The following GBE1 variants were observed in gnomAD, a reference collection of about 807,000 sequenced individuals.
The protein encoded by GBE1 is 1,4-alpha-glucan branching enzyme 1, also known as 1,4-alpha-glucan-branching enzyme.
GBE1 carries 70 observed loss-of-function variants against 88.8 expected under a neutral mutation model. That is an observed-to-expected ratio of 0.79 (90% CI 0.65 to 0.96). GBE1 has a LOEUF of 0.96. GBE1 is among the 40% of genes least tolerant of loss of function. GBE1 has a pLI of 0.00. For missense variants in GBE1, 872 were observed against 871.0 expected, an observed-to-expected ratio of 1.00 and a Z score of -0.01; for synonymous variants, 284 against 300.1, an observed-to-expected ratio of 0.95 and a Z score of 0.56.
intron 3 of GBE1, among the ~76,000 whole-genome samples, chr3:81,660,729 T>C (rs1033620918): frequency 1.3e-5 from 2 of 151,852 alleles, no homozygotes; most frequent in South Asian, 2.1e-4. Context: ...CACACACACA[T>C]ACACTGAACC....
intron 15 of GBE1, among the ~76,000 whole-genome samples, chr3:81,498,751 T>C (rs554438016): frequency 6.6e-6 from 1 of 152,254 alleles, no homozygotes; most frequent in South Asian, 2.1e-4. Flanking sequence ...TAATATAAAA[T>C]GTTATGGAGA....
chr3:81,587,566 AC>A (rs1369778974), intron 9 of GBE1, among the ~76,000 whole-genome samples: 1 of 152,188 alleles, frequency 6.6e-6, no homozygotes, highest in Non-Finnish European at 1.5e-5. Flanking sequence ...TTCAACAATT[AC>A]ACATTAAGCA....
At chr3:81,595,171 T>C (rs1036709014) in intron 7 of GBE1, among the ~76,000 whole-genome samples, 11 of 149,516 alleles carry the variant, frequency 7.4e-5, no homozygotes, top group South Asian at 2.1e-4. Flanking sequence ...CTAATAGATA[T>C]AAAAGGGAGA....
chr3:81,749,890 C>G (rs1706471684), intron 1 of GBE1, among the ~76,000 whole-genome samples: 1 of 152,176 alleles, frequency 6.6e-6, no homozygotes, highest in Non-Finnish European at 1.5e-5. Flanking sequence ...TTGGAACCTG[C>G]TAAAACCAAC....
intron 7 of GBE1, among the ~76,000 whole-genome samples, chr3:81,602,208 C>T (rs1704042036): frequency 6.6e-6 from 1 of 152,076 alleles, no homozygotes; most frequent in African/African-American, 2.4e-5. Context: ...ACATTAGTTC[C>T]GAAAAGCCCT....
chr3:81,756,749 CA>C (rs146744794), intron 1 of GBE1, among the ~76,000 whole-genome samples: 2,308 of 152,216 alleles, frequency 0.015, 75 homozygotes, highest in African/African-American at 0.053. Flanking sequence ...AAGGTAGAAG[CA>C]AAGAATGCTT....
chr3:81,593,853 T>C (rs889144421), intron 8 of GBE1, 55 bp downstream of exon 8: 3 of 791,096 alleles, frequency 3.8e-6, no homozygotes, highest in Non-Finnish European at 6.2e-6. Flanking sequence ...ACACCAGTAA[T>C]GGCTATTGCA....
At chr3:81,588,183 T>G (rs192953076) in intron 9 of GBE1, among the ~76,000 whole-genome samples, 8 of 152,184 alleles carry the variant, frequency 5.3e-5, no homozygotes, top group African/African-American at 1.9e-4. Context: ...AATAAAATGT[T>G]TGCCAGTAAT....
At chr3:81,549,659 A>G (rs1242436091) in intron 12 of GBE1, among the ~76,000 whole-genome samples, 5 of 151,514 alleles carry the variant, frequency 3.3e-5, no homozygotes, top group Non-Finnish European at 5.9e-5. Flanking sequence ...CTGAGGTTAC[A>G]AACACAAGGC....
At position 81,552,594 on chromosome 3, in the gene GBE1, T is replaced by C. The variant is rs145625478; in HGVS notation, c.1619-15499A>G. On this transcript the variant is annotated intron_variant, in intron 12 of 15. Transcript: ENST00000429644. ...CAAAAAATAATCTTCATCAGCAATGTCCATAAGTGCAAAATCAGATTTCTA... is the reference window on the plus strand; with the variant it reads ...CAAAAAATAATCTTCATCAGCAATGCCCATAAGTGCAAAATCAGATTTCTA... Among the ~76,000 whole-genome samples the C allele has an allele frequency of 3.0e-3, 450 of 148,556 alleles. 1 individual carries two copies. The highest frequency in any genetic ancestry group is 5.9e-3 in the South Asian group (27 of 4,560).
At chr3:81,710,993 G>A (rs1029663475) in intron 1 of GBE1, among the ~76,000 whole-genome samples, 6 of 152,142 alleles carry the variant, frequency 3.9e-5, no homozygotes, top group African/African-American at 1.4e-4. Flanking sequence ...ACGGAGGGGC[G>A]GCAGGGAGTT....
rs533409040 is a variant in GBE1, at chr3:81,636,694, C to T, written c.992+6087G>A. Among the ~76,000 whole-genome samples the T allele has an allele frequency of 3.3e-5, 5 of 152,094 alleles. No homozygotes were observed. The South Asian group carries it at 1.0e-3, about 32-fold the overall frequency. ...TACAGGCATGCACCACCACACCCAG[C>T]TAATTTTGTATTTTTAGTAGAGACA... On this transcript the variant is annotated intron_variant, in intron 7 of 15. Transcript: ENST00000429644.
intron 7 of GBE1, among the ~76,000 whole-genome samples, chr3:81,640,861 G>C (rs1704668304): frequency 6.6e-6 from 1 of 151,840 alleles, no homozygotes; most frequent in African/African-American, 2.4e-5. Flanking sequence ...AATAAATTAA[G>C]CTAAAACTAT....
intron 1 of GBE1, among the ~76,000 whole-genome samples, chr3:81,737,946 C>T (rs6771364): frequency 6.6e-6 from 1 of 151,946 alleles, no homozygotes; most frequent in African/African-American, 2.4e-5. Flanking sequence ...TGTTCCCCCT[C>T]CTGTGTCCAT....
intron 7 of GBE1, among the ~76,000 whole-genome samples, chr3:81,619,444 T>C (rs577453124): frequency 6.6e-6 from 1 of 152,182 alleles, no homozygotes; most frequent in African/African-American, 2.4e-5. Flanking sequence ...AACTATAGAT[T>C]ATCATGCTAA....
At chr3:81,541,042 C>T (rs986492968) in intron 12 of GBE1, among the ~76,000 whole-genome samples, 1 of 151,956 alleles carries the variant, frequency 6.6e-6, no homozygotes, top group Non-Finnish European at 1.5e-5. Flanking sequence ...GAAAATGTGA[C>T]CTGAGGTCAC....
intron 1 of GBE1, among the ~76,000 whole-genome samples, chr3:81,711,028 C>G (rs1311970314): frequency 3.3e-5 from 5 of 152,132 alleles, no homozygotes; most frequent in Non-Finnish European, 4.4e-5. Flanking sequence ...GGTATGAAAA[C>G]AAAATGAAAC....
At chr3:81,680,425 G>A (rs542166765) in intron 2 of GBE1, among the ~76,000 whole-genome samples, 1 of 151,326 alleles carries the variant, frequency 6.6e-6, no homozygotes, top group Admixed American at 6.6e-5. Flanking sequence ...GAACCCGGGA[G>A]GCGGAGCTTG....
chr3:81,496,936 A>T (rs1702507366), intron 15 of GBE1, among the ~76,000 whole-genome samples: 1 of 152,154 alleles, frequency 6.6e-6, no homozygotes, highest in Admixed American at 6.5e-5. Flanking sequence ...GCTAGCCCTT[A>T]TCTCACGGCT....
Sources: allele counts gnomAD v4.1 joint callset (sites outside exome capture counted in the v4.1 genomes callset), GRCh38; gene constraint gnomAD v4.1.1; transcripts MANE v1.5; gene names NCBI Gene and HGNC (gene_info 2026-07-23, HGNC 2026-07-21).